Variants in CACNA1D observed in about 807,000 individuals in gnomAD.
The protein encoded by CACNA1D is voltage-dependent L-type calcium channel subunit alpha-1D.
Under a neutral mutation model 257.1 loss-of-function variants are expected in CACNA1D, and 55 were observed. The observed-to-expected ratio is 0.21, with a 90% confidence interval of 0.17 to 0.27. The LOEUF (loss-of-function observed/expected upper bound fraction) is 0.27. Ranked by LOEUF, CACNA1D falls within the 10% of genes least tolerant of loss-of-function variation. CACNA1D has a pLI of 1.00. For synonymous variants in CACNA1D, 980 were observed against 1,014.9 expected (o/e 0.97, Z 0.65); for missense variants, 1,876 against 2,784.0 (o/e 0.67, Z 7.34).
At chr3:53,599,440 G>C (rs2093413963) in intron 3 of CACNA1D, among the ~76,000 whole-genome samples, 1 of 151,766 alleles carries the variant, frequency 6.6e-6, no homozygotes, top group South Asian at 2.1e-4. Flanking sequence ...AAAGTTATTT[G>C]CTTTGCTTTT....
At chr3:53,622,557 T>TA (rs1380245995) in intron 3 of CACNA1D, among the ~76,000 whole-genome samples, 8 of 151,906 alleles carry the variant, frequency 5.3e-5, no homozygotes, top group Non-Finnish European at 1.2e-4. Context: ...CACTTATAAG[T>TA]GGGAGCTAAA....
At chr3:53,543,574 T>C (rs541562610) in intron 3 of CACNA1D, among the ~76,000 whole-genome samples, 1 of 152,380 alleles carries the variant, frequency 6.6e-6, no homozygotes, top group East Asian at 1.9e-4. Flanking sequence ...GAATAATTAT[T>C]GTCCTAATAA....
At chr3:53,711,485 G>A (rs905567376) in intron 9 of CACNA1D, among the ~76,000 whole-genome samples, 2 of 152,198 alleles carry the variant, frequency 1.3e-5, no homozygotes, top group South Asian at 4.1e-4. Context: ...GCAGTGGTTC[G>A]ACAGCAGCAC....
chr3:53,507,452 CAA>C (rs60741810), intron 3 of CACNA1D, among the ~76,000 whole-genome samples: 51 of 123,036 alleles, frequency 4.1e-4, no homozygotes, highest in Admixed American at 4.1e-4. Context: ...CTCCCCCCGC[CAA>C]AAAAAAAAAA....
chr3:53,790,713 G>T (rs2095478824), intron 40 of CACNA1D, among the ~76,000 whole-genome samples: 4 of 152,226 alleles, frequency 2.6e-5, no homozygotes, highest in Admixed American at 2.0e-4. Flanking sequence ...CCCCTGATGT[G>T]CCCCGCGTGG....
chr3:53,700,596 T>C (rs375074122), intron 8 of CACNA1D, among the ~76,000 whole-genome samples: 25 of 152,336 alleles, frequency 1.6e-4, no homozygotes, highest in African/African-American at 5.1e-4. Context: ...GTGTGGTACA[T>C]GTGAATGGCG....
intron 4 of CACNA1D, among the ~76,000 whole-genome samples, chr3:53,658,185 C>T (rs999920740): frequency 6.2e-5 from 9 of 145,034 alleles, no homozygotes; most frequent in African/African-American, 1.8e-4. Flanking sequence ...TCTTCAGGCC[C>T]GTGGCACTTT....
intron 3 of CACNA1D, among the ~76,000 whole-genome samples, chr3:53,624,569 T>C (rs955018090): frequency 6.6e-6 from 1 of 152,216 alleles, no homozygotes; most frequent in Non-Finnish European, 1.5e-5. Context: ...ATCACCCATC[T>C]GGAAGGCGTG....
At chr3:53,509,518 G>T (rs1046546384) in intron 3 of CACNA1D, among the ~76,000 whole-genome samples, 2 of 152,208 alleles carry the variant, frequency 1.3e-5, no homozygotes, top group African/African-American at 4.8e-5. Context: ...TGTTAGGTGA[G>T]TGGTAGTTTT....
At chr3:53,740,853 G>C (rs1400425627) in intron 21 of CACNA1D, among the ~76,000 whole-genome samples, 2 of 152,182 alleles carry the variant, frequency 1.3e-5, no homozygotes, top group Non-Finnish European at 2.9e-5. Context: ...ATCCTATGAA[G>C]AGGATGTCTC....
At chr3:53,504,667 A>C (rs576260355) in intron 3 of CACNA1D, among the ~76,000 whole-genome samples, 121 of 152,102 alleles carry the variant, frequency 8.0e-4, no homozygotes, top group Non-Finnish European at 1.3e-3. Context: ...CACTTACTGA[A>C]AGCAAATACC....
At chr3:53,733,202 G>T (rs940753697) in intron 19 of CACNA1D, among the ~76,000 whole-genome samples, 7 of 152,202 alleles carry the variant, frequency 4.6e-5, no homozygotes, top group African/African-American at 1.7e-4. Flanking sequence ...GTCCTGGGAG[G>T]AGCTCCATTC....
At chr3:53,731,209 T>G (rs2094988839) in intron 17 of CACNA1D, 63 bp downstream of exon 17, 2 of 1,027,830 alleles carry the variant, frequency 1.9e-6, no homozygotes, top group Admixed American at 1.7e-5. Flanking sequence ...TCTCCATACA[T>G]GTACCATTTA....
intron 3 of CACNA1D, among the ~76,000 whole-genome samples, chr3:53,526,485 C>A (rs2091769878): frequency 6.6e-6 from 1 of 152,234 alleles, no homozygotes; most frequent in Admixed American, 6.5e-5. Flanking sequence ...TCCCTGAGAA[C>A]ATTGTCCTTC....
At chr3:53,753,551 T>C in intron 28 of CACNA1D, 21 bp from the exon 29 acceptor site, 1 of 1,471,924 alleles carries the variant, frequency 6.8e-7, no homozygotes, top group African/African-American at 1.4e-5. Context: ...CTGAGAACGG[T>C]CCCTCTGTCT....
At chr3:53,650,969 A>G in intron 4 of CACNA1D, 51 bp downstream of exon 4, 2 of 1,122,656 alleles carry the variant, frequency 1.8e-6, no homozygotes, top group Admixed American at 1.8e-5. Flanking sequence ...TGGGAGGTGG[A>G]GGTTGGGGGG....
Position 53,723,877 on chromosome 3 carries a change from T to C in CACNA1D, c.1978T>C (p.Phe660Leu). ...TTCGCTGTTGCTTCTGCTTTTTCTC[T>C]TCATTATCATCTTTTCCTTGCTTGG... ...IASLLLLLFL[F>L]IIIFSLLGMQ... is the part of the protein sequence containing the mutation. The change falls in exon 14 of 48, where the codon TTC becomes CTC. Residue 660 changes from phenylalanine (F) to leucine (L), a missense_variant. Phe to Leu is a conservative substitution (Grantham distance 22). Around this residue, in one of 10 missense-constraint regions of CACNA1D, gnomAD observed 257 missense variants for 399.7 expected, o/e 0.64. Coordinates refer to ENST00000350061, the MANE Select transcript of CACNA1D (RefSeq NM_001128840.3). This position sits in a 1 kb window ranked among gnomAD's most constrained non-coding sequence, Gnocchi z 5.6. The C allele has an allele frequency of 6.2e-7, 1 of 1,614,218 alleles. No individual in the cohort carries two copies. The highest frequency in any genetic ancestry group is 8.5e-7 in the Non-Finnish European group (1 of 1,180,030).
Position 53,774,562 on chromosome 3 carries a change from T to G in CACNA1D, c.4111-25T>G. The G allele has an allele frequency of 2.1e-6, 3 of 1,400,754 alleles. No homozygotes were observed. Among genetic ancestry groups the G allele is most frequent in the Non-Finnish European group, 3.0e-6 (3 of 985,170 alleles). 86.8% of individuals were successfully genotyped at this position (1,400,754 alleles called of 1,614,324 possible). A position where few individuals can be genotyped will look rare whatever the true frequency, so the allele number is the denominator to read the frequency against. ...TTTTGCATGACGAAATCTATTCTCT[T>G]TTTCCTGACAACTTCTCCACCTAGA... On this transcript the variant is annotated intron_variant, in intron 33 of 47. Transcript: ENST00000350061. This position sits in a 1 kb window ranked among gnomAD's most constrained non-coding sequence, Gnocchi z 4.3.
At chr3:53,505,267 C>G (rs907229700) in intron 3 of CACNA1D, among the ~76,000 whole-genome samples, 1 of 151,906 alleles carries the variant, frequency 6.6e-6, no homozygotes, top group Non-Finnish European at 1.5e-5. Flanking sequence ...CGCCAACATG[C>G]CTGGCTAATA....
Sources: allele counts gnomAD v4.1 joint callset (sites outside exome capture counted in the v4.1 genomes callset), GRCh38; gene constraint gnomAD v4.1.1; regional missense constraint gnomAD v4.1.1; non-coding constraint Gnocchi (gnomAD v3.1); transcripts MANE v1.5; gene names NCBI Gene and HGNC (gene_info 2026-07-23, HGNC 2026-07-21).